Variants in C10orf90 observed in about 807,000 individuals in gnomAD.
C10orf90 encodes the protein chromosome 10 open reading frame 90.
A neutral mutation model predicts 62.5 loss-of-function variants in C10orf90; 56 were observed. That is an observed-to-expected ratio of 0.90 (90% CI 0.72 to 1.12). The LOEUF (loss-of-function observed/expected upper bound fraction) is 1.12. Ranked by LOEUF, C10orf90 falls within the 50% of genes most tolerant of loss-of-function variation. C10orf90 has a pLI of 0.00. For synonymous variants in C10orf90, 386 were observed against 340.4 expected, an observed-to-expected ratio of 1.13 and a Z score of -1.47; for missense variants, 970 against 880.4, an observed-to-expected ratio of 1.10 and a Z score of -1.29.
rs2134001910 is a variant in C10orf90 at position 126,569,569 on chromosome 10, G to C, written c.314-55630C>G. Reference sequence around the variant, plus strand: ...GGGGTATAAACCAAGTAAGTATCTTGGCAATACATTTTTGTAAAGAGATGA... The same window carrying C: ...GGGGTATAAACCAAGTAAGTATCTTCGCAATACATTTTTGTAAAGAGATGA... On this transcript the variant is annotated intron_variant, in intron 2 of 9. Coordinates refer to ENST00000488181, the MANE Select transcript of C10orf90 (RefSeq NM_001350921.2). 1.3e-5 allele frequency among the ~76,000 whole-genome samples: 2 copies of C among 152,254 alleles called. 1 individual carries two copies. Among genetic ancestry groups the C allele is most frequent in the Middle Eastern group, 6.8e-3 (2 of 294 alleles).
chr10:126,439,872 CA>C (rs1858188768), intron 7 of C10orf90, among the ~76,000 whole-genome samples: 1 of 152,060 alleles, frequency 6.6e-6, no homozygotes, highest in Non-Finnish European at 1.5e-5. Flanking sequence ...AAGCAAAATA[CA>C]GGGGTAGAGG....
At chr10:126,525,918 G>A (rs118003752) in intron 2 of C10orf90, among the ~76,000 whole-genome samples, 1,646 of 152,102 alleles carry the variant, frequency 0.011, 17 homozygotes, top group Non-Finnish European at 0.017. Context: ...ATTCCCTGCT[G>A]TATAGCAGAC....
chr10:126,469,116 A>C (rs1860436152), intron 4 of C10orf90, among the ~76,000 whole-genome samples: 1 of 152,154 alleles, frequency 6.6e-6, no homozygotes, highest in Admixed American at 6.5e-5. Flanking sequence ...TCACATCTCA[A>C]AGGAAGAGTA....
intron 1 of C10orf90, among the ~76,000 whole-genome samples, chr10:126,663,429 C>G (rs1437418484): frequency 6.6e-6 from 1 of 152,236 alleles, no homozygotes; most frequent in Admixed American, 6.5e-5. Context: ...AACTGTGTCA[C>G]TGTGCAGCCT....
Position 126,512,767 on chromosome 10 carries a change from T to C in C10orf90, c.405+1081A>G, listed in dbSNP as rs528043807. Among the ~76,000 whole-genome samples, 5 of 152,260 alleles carry C rather than the reference T, an allele frequency of 3.3e-5. No individual in the cohort carries two copies. In the South Asian group the frequency reaches 1.0e-3, roughly 32 times the overall value. Reference sequence around the variant, plus strand: ...CGAGGGAACAAATTAATTATAGCCATGCATCTTTACATCTTGAGACAGTGA... The same window carrying C: ...CGAGGGAACAAATTAATTATAGCCACGCATCTTTACATCTTGAGACAGTGA... On this transcript the variant is annotated intron_variant, in intron 3 of 9. Transcript: ENST00000488181.
At chr10:126,514,719 A>G (rs138687129) in intron 2 of C10orf90, among the ~76,000 whole-genome samples, 125 of 152,264 alleles carry the variant, frequency 8.2e-4, no homozygotes, top group Non-Finnish European at 1.4e-3. Context: ...TGCAAAGCCT[A>G]CCCAGGGCTT....
At chr10:126,498,445 C>T (rs4962561) in intron 4 of C10orf90, among the ~76,000 whole-genome samples, 31,423 of 152,178 alleles carry the variant, frequency 0.21, 3,286 homozygotes, top group Middle Eastern at 0.36. Context: ...CCTCCTCATA[C>T]GGGTGCTAAG....
At chr10:126,466,259 A>C (rs533225763) in intron 4 of C10orf90, among the ~76,000 whole-genome samples, 1 of 152,138 alleles carries the variant, frequency 6.6e-6, no homozygotes, top group African/African-American at 2.4e-5. Context: ...AAGTTATAAG[A>C]ATATTCTTGC....
chr10:126,621,857 G>A (rs17155051), intron 2 of C10orf90, among the ~76,000 whole-genome samples: 9,154 of 152,186 alleles, frequency 0.06, 298 homozygotes, highest in Middle Eastern at 0.12. Context: ...CATGCTTGAC[G>A]ATTATTTTAC....
chr10:126,482,548 A>C (rs1413126618), intron 4 of C10orf90, among the ~76,000 whole-genome samples: 1 of 152,212 alleles, frequency 6.6e-6, no homozygotes, highest in Non-Finnish European at 1.5e-5. Context: ...GACAAAAGCC[A>C]GGTGTGCAGA....
chr10:126,660,714 T>C (rs1194697625), intron 1 of C10orf90, among the ~76,000 whole-genome samples: 1 of 152,266 alleles, frequency 6.6e-6, no homozygotes. Flanking sequence ...CTGCTATGTA[T>C]GTAATAATTT....
intron 2 of C10orf90, among the ~76,000 whole-genome samples, chr10:126,548,561 T>G (rs1007127101): frequency 1.3e-5 from 2 of 152,094 alleles, no homozygotes; most frequent in African/African-American, 4.8e-5. Flanking sequence ...GAGATGGAGT[T>G]TCACCATGTT....
intron 2 of C10orf90, among the ~76,000 whole-genome samples, chr10:126,622,136 G>C (rs545604456): frequency 6.6e-6 from 1 of 152,078 alleles, no homozygotes; most frequent in Admixed American, 6.6e-5. Flanking sequence ...GATCATATCT[G>C]GTTCGTTCTT....
At chr10:126,464,052 T>C (rs1860146907) in intron 5 of C10orf90, among the ~76,000 whole-genome samples, 1 of 152,214 alleles carries the variant, frequency 6.6e-6, no homozygotes, top group East Asian at 1.9e-4. Context: ...GAAATGTACA[T>C]TTTTCCTGCT....
intron 2 of C10orf90, among the ~76,000 whole-genome samples, chr10:126,554,336 G>T (rs1474185837): frequency 6.6e-6 from 1 of 152,194 alleles, no homozygotes; most frequent in Non-Finnish European, 1.5e-5. Context: ...TGCAGTAGAA[G>T]TAGGAATAGT....
At chr10:126,535,949 G>T (rs1271038106) in intron 2 of C10orf90, among the ~76,000 whole-genome samples, 3 of 152,286 alleles carry the variant, frequency 2.0e-5, no homozygotes, top group South Asian at 2.1e-4. Context: ...TCGTTACGGG[G>T]CAGGTGGAGC....
intron 2 of C10orf90, among the ~76,000 whole-genome samples, chr10:126,563,031 C>T (rs1864938505): frequency 7.2e-5 from 11 of 152,216 alleles, no homozygotes; most frequent in Admixed American, 6.5e-4. Context: ...ATCACACATG[C>T]ACATGATGTC....
At position 126,456,429 on chromosome 10, in the gene C10orf90, G is replaced by T. The variant is rs779547364; in HGVS notation, c.2188+2611C>A. 2.6e-5 allele frequency among the ~76,000 whole-genome samples: 4 copies of T among 152,090 alleles called. No homozygotes were observed. The highest frequency in any genetic ancestry group is 4.4e-5 in the Non-Finnish European group (3 of 68,008). On this transcript the variant is annotated intron_variant, in intron 7 of 9. Coordinates refer to ENST00000488181, the MANE Select transcript of C10orf90 (RefSeq NM_001350921.2). This position sits in a 1 kb window ranked among gnomAD's most constrained non-coding sequence, Gnocchi z 4.9. Reference sequence around the variant, plus strand: ...CTGTCTTGGAATGTGGGGAGTAAAAGGTACTCAGTTAACATTCTGAACTGA... The same window carrying T: ...CTGTCTTGGAATGTGGGGAGTAAAATGTACTCAGTTAACATTCTGAACTGA...
At chr10:126,451,493 G>A (rs1859187723) in intron 7 of C10orf90, among the ~76,000 whole-genome samples, 1 of 152,084 alleles carries the variant, frequency 6.6e-6, no homozygotes, top group African/African-American at 2.4e-5. Context: ...GTGCATGTGT[G>A]TGTGTATTAT....
Sources: allele counts gnomAD v4.1 joint callset (sites outside exome capture counted in the v4.1 genomes callset), GRCh38; gene constraint gnomAD v4.1.1; non-coding constraint Gnocchi (gnomAD v3.1); transcripts MANE v1.5; gene names NCBI Gene and HGNC (gene_info 2026-07-23, HGNC 2026-07-21).